RIPK2: variants seen among roughly 807,000 people sequenced by gnomAD.
The protein encoded by RIPK2 is receptor interacting serine/threonine kinase 2.
In RIPK2, 38 loss-of-function variants were observed where a neutral mutation model predicts 60.9. The observed-to-expected ratio is 0.62, with a 90% CI of 0.48 to 0.82. The LOEUF is 0.82. RIPK2 is among the 40% of genes least tolerant of loss of function. RIPK2 has a pLI of 0.00. For missense variants in RIPK2, 518 were observed against 647.0 expected, an observed-to-expected ratio of 0.80 and a Z score of 2.16; for synonymous variants, 225 against 223.4, an observed-to-expected ratio of 1.01 and a Z score of -0.06.
At position 89,790,459 on chromosome 8, in the gene RIPK2, T is replaced by G. The variant is rs1586137853; in HGVS notation, c.*43T>G. On this transcript the variant is annotated 3_prime_UTR_variant, in exon 11 of 11. Coordinates refer to ENST00000220751, the MANE Select transcript of RIPK2 (RefSeq NM_003821.6). ...AGAAATGTGTTTCATAAAAGGATATTTATATCTCTGTTGCTTTGACTTTTT... is the reference window on the plus strand; with the variant it reads ...AGAAATGTGTTTCATAAAAGGATATGTATATCTCTGTTGCTTTGACTTTTT... The G allele has an allele frequency of 7.2e-7, 1 of 1,384,346 alleles. No individual in the cohort carries two copies. Among genetic ancestry groups the G allele is most frequent in the East Asian group, 2.3e-5 (1 of 43,128 alleles). 85.8% of individuals were successfully genotyped at this position (1,384,346 alleles called of 1,614,324 possible).
In RIPK2 at chr8:89,790,356, G is replaced by A. The variant is rs200194636; in HGVS notation, c.1563G>A (p.Pro521=). The change falls in exon 11 of 11, where the codon CCG becomes CCA. Residue 521 remains proline, a synonymous_variant. Transcript: ENST00000220751. ...DNKQMGLQPY[P]EILVVSRSPS... ...AACAAATGGGTCTTCAGCCTTACCC[G>A]GAAATACTTGTGGTTTCTAGATCAC... 2.3e-5 allele frequency: 37 copies of A among 1,611,900 alleles called. No individual in the cohort carries two copies. The highest frequency in any genetic ancestry group is 6.7e-5 in the East Asian group (3 of 44,862).
At chr8:89,775,743 A>T (rs1809387035) in intron 6 of RIPK2, among the ~76,000 whole-genome samples, 1 of 152,038 alleles carries the variant, frequency 6.6e-6, no homozygotes, top group South Asian at 2.1e-4. Flanking sequence ...TAGAACCCTG[A>T]AGGAATTCCC....
intron 7 of RIPK2, among the ~76,000 whole-genome samples, chr8:89,783,778 G>A (rs1322956633): frequency 2.6e-5 from 4 of 152,144 alleles, no homozygotes; most frequent in African/African-American, 9.7e-5. Context: ...CATCCTGCAT[G>A]TAGGTAATTG....
Position 89,784,107 on chromosome 8 carries a change from C to T in RIPK2, c.997C>T (p.Leu333=). The part of the protein sequence containing the change: ...LCDKKKMELS[L]NIPVNHGPQE... ...TGACAAGAAGAAAATGGAATTATCT[C>T]TGAACATACCTGTAAATCATGGTCC... Residue 333 remains leucine (L), a synonymous_variant, in exon 8 of 11, where the codon CTG becomes TTG. Transcript: ENST00000220751. 1 of 1,334,868 alleles carries T rather than the reference C, an allele frequency of 7.5e-7. No individual in the cohort carries two copies. The highest frequency in any genetic ancestry group is 1.0e-6 in the Non-Finnish European group (1 of 967,248). 82.7% of individuals were successfully genotyped at this position (1,334,868 alleles called of 1,614,324 possible).
intron 3 of RIPK2, among the ~76,000 whole-genome samples, chr8:89,767,379 G>A (rs555045542): frequency 2.0e-5 from 3 of 151,734 alleles, no homozygotes; most frequent in East Asian, 1.9e-4. Context: ...AAAGAAATCA[G>A]TAATAGAGAA....
intron 3 of RIPK2, among the ~76,000 whole-genome samples, 155 bp downstream of exon 3, chr8:89,765,651 TCTC>T (rs1809215464): frequency 1.3e-5 from 2 of 151,922 alleles, no homozygotes; most frequent in Admixed American, 6.6e-5. Flanking sequence ...TATCTTCTAT[TCTC>T]CTTCTTCCTA....
rs201403469 is a variant in RIPK2, at chr8:89,790,497, C to T, written c.*81C>T. ...GCTTTGACTTTTTTTATATAAAATC[C>T]GTGAGTATTAAAGCTTTATTGAAGG... On this transcript the variant is annotated 3_prime_UTR_variant, in exon 11 of 11. Transcript: ENST00000220751. 19 of 1,005,680 alleles carry T rather than the reference C, an allele frequency of 1.9e-5. No individual in the cohort carries two copies. Among genetic ancestry groups the T allele is most frequent in the African/African-American group, 8.2e-5 (5 of 61,254 alleles). 62.3% of individuals were successfully genotyped at this position (1,005,680 alleles called of 1,614,324 possible).
At chr8:89,762,354 G>A (rs2130543435) in intron 1 of RIPK2, among the ~76,000 whole-genome samples, 1 of 152,096 alleles carries the variant, frequency 6.6e-6, no homozygotes, top group South Asian at 2.1e-4. Flanking sequence ...TGCAGCTATT[G>A]AATCTATAAC....
intron 6 of RIPK2, among the ~76,000 whole-genome samples, chr8:89,774,983 C>A (rs1586126043): frequency 6.6e-6 from 1 of 152,036 alleles, no homozygotes; most frequent in African/African-American, 2.4e-5. Flanking sequence ...GTAATCCAAA[C>A]AAATGGAGTT....
intron 6 of RIPK2, among the ~76,000 whole-genome samples, chr8:89,779,803 G>A (rs56017098): frequency 0.18 from 28,127 of 152,136 alleles, 3,823 homozygotes; most frequent in African/African-American, 0.39. Flanking sequence ...ATATCCAACT[G>A]TTTTAGCATC....
intron 6 of RIPK2, among the ~76,000 whole-genome samples, chr8:89,775,689 T>G (rs1343967578): frequency 2.6e-5 from 4 of 152,088 alleles, no homozygotes; most frequent in Admixed American, 6.6e-5. Flanking sequence ...AGAAATGAGG[T>G]TGGAGAGATG....
chr8:89,769,733 A>G, intron 3 of RIPK2, 39 bp from the exon 4 acceptor site: 3 of 1,449,936 alleles, frequency 2.1e-6, no homozygotes, highest in Non-Finnish European at 2.7e-6. Context: ...GACTTTTTAA[A>G]GAGGAAATTT....
chr8:89,772,201 C>T (rs1003494544), intron 5 of RIPK2, among the ~76,000 whole-genome samples: 1 of 151,976 alleles, frequency 6.6e-6, no homozygotes, highest in South Asian at 2.1e-4. Flanking sequence ...TAAAGACTAG[C>T]AAATATCGAA....
chr8:89,763,567 A>G (rs1809179426), intron 2 of RIPK2, among the ~76,000 whole-genome samples: 1 of 152,174 alleles, frequency 6.6e-6, no homozygotes, highest in Non-Finnish European at 1.5e-5. Flanking sequence ...TTCATTATTA[A>G]TATTATCATG....
intron 4 of RIPK2, among the ~76,000 whole-genome samples, chr8:89,771,268 AT>A (rs1300563998): frequency 1.3e-5 from 2 of 151,866 alleles, no homozygotes; most frequent in East Asian, 3.9e-4. Flanking sequence ...TTAACCATTT[AT>A]TCTAATTATA....
At chr8:89,780,617 T>C (rs750295203) in intron 7 of RIPK2, 9 of 152,150 alleles carry the variant, frequency 5.9e-5, no homozygotes, top group Non-Finnish European at 1.3e-4. Context: ...ACTGAGCCAT[T>C]AGAGGTGTTT....
chr8:89,758,307 C>T, intron 1 of RIPK2, 74 bp downstream of exon 1: 5 of 1,434,152 alleles, frequency 3.5e-6, no homozygotes, highest in Middle Eastern at 2.0e-4. Context: ...CAAGCGGGCT[C>T]TAGAGCCCAA....
At chr8:89,758,286 A>C (rs1809084976) in intron 1 of RIPK2, 53 bp downstream of exon 1, 1 of 1,501,286 alleles carries the variant, frequency 6.7e-7, no homozygotes, top group Non-Finnish European at 8.9e-7. Flanking sequence ...GCATCCCCTC[A>C]AGCCCCCTGA....
At chr8:89,779,012 T>C (rs1809447418) in intron 6 of RIPK2, among the ~76,000 whole-genome samples, 3 of 152,232 alleles carry the variant, frequency 2.0e-5, no homozygotes, top group Admixed American at 6.5e-5. Flanking sequence ...TGGAGTGATA[T>C]CTCATTGCAG....
Sources: allele counts gnomAD v4.1 joint callset (sites outside exome capture counted in the v4.1 genomes callset), GRCh38; gene constraint gnomAD v4.1.1; transcripts MANE v1.5; gene names NCBI Gene and HGNC (gene_info 2026-07-23, HGNC 2026-07-21).